Variants in LATS2 observed in about 807,000 individuals in gnomAD.
LATS2 encodes serine/threonine-protein kinase LATS2.
A neutral mutation model predicts 76.0 loss-of-function variants in LATS2; 24 were observed. The ratio of observed to expected loss-of-function variants is 0.32; its 90% CI spans 0.23 to 0.44. LATS2 has a LOEUF of 0.44. LATS2 is among the 20% of genes least tolerant of loss of function. The probability of loss-of-function intolerance (pLI) is 1.00; values close to 1 mark genes in which losing one functional copy is unlikely to be tolerated. For missense variants in LATS2, 1,286 were observed against 1,481.2 expected (o/e 0.87, Z 2.16); for synonymous variants, 692 against 635.4 (o/e 1.09, Z -1.34).
chr13:21,044,689 GGTGTGTGTGTGTGTGT>G lies in LATS2; in HGVS notation c.342+980_342+995del, dbSNP rs71090554. The stretch of plus-strand genomic sequence containing the variant: ...TAAATGTATGGCTATGAGGTGTAGG[GGTGTGTGTGTGTGTGT>G]GTGTGTGTGTGTGTGTGTGTGTGTG... On this transcript the variant is annotated intron_variant, in intron 2 of 7. Transcript: ENST00000382592. Among the ~76,000 whole-genome samples the G allele has an allele frequency of 1.9e-3, 258 of 137,784 alleles. 2 individuals are homozygous for G. The highest frequency in any genetic ancestry group is 5.1e-3 in the South Asian group (21 of 4,114). The allele number at this position is 137,784 out of a possible 152,430, so 90.4% of individuals were successfully genotyped here.
chr13:20,979,196 G>A (rs565013466), intron 7 of LATS2, among the ~76,000 whole-genome samples: 48 of 152,304 alleles, frequency 3.2e-4, no homozygotes, highest in Non-Finnish European at 5.9e-4. Flanking sequence ...GTTCATTGAC[G>A]CTATGTTACT....
chr13:21,012,169 C>T (rs1485538780), intron 2 of LATS2, among the ~76,000 whole-genome samples: 1 of 151,952 alleles, frequency 6.6e-6, no homozygotes, highest in South Asian at 2.1e-4. Flanking sequence ...CATCTCTAAA[C>T]ATAGAAAAGA....
chr13:20,988,747 G>C lies in LATS2; in HGVS notation c.1033C>G (p.Gln345Glu). ...SQVFASDSPP[Q>E]SLLTPSRNSL... ...TTCCGCGAGGGAGTGAGCAGGCTCT[G>C]CGGGGGGCTGTCGCTGGCGAACACC... Residue 345 changes from glutamine to glutamate, a missense_variant, in exon 4 of 8, where the codon CAG becomes GAG. Transcript: ENST00000382592. 3 of 1,577,100 alleles carry C rather than the reference G, an allele frequency of 1.9e-6. No homozygotes were observed. The highest frequency in any genetic ancestry group is 1.7e-5 in the Admixed American group (1 of 57,304).
Position 20,988,360 on chromosome 13 carries a change from C to T in LATS2, c.1420G>A (p.Ala474Thr), listed in dbSNP as rs1870284636. 1 of 1,330,544 alleles carries T rather than the reference C, an allele frequency of 7.5e-7. No individual in the cohort carries two copies. Among genetic ancestry groups the T allele is most frequent in the Non-Finnish European group, 9.6e-7 (1 of 1,038,248 alleles). The allele number at this position is 1,330,544 out of a possible 1,614,324, so 82.4% of individuals were successfully genotyped here. ...AWVPAPAPAPAPAPAPAAEGL... is the reference protein window; with the variant it reads ...AWVPAPAPAPTPAPAPAAEGL... Reference sequence around the variant, plus strand: ...TCCGCAGCCGGGGCGGGGGCGGGGGCGGGGGCCGGGGCAGGCGCGGGCACC... The same window carrying T: ...TCCGCAGCCGGGGCGGGGGCGGGGGTGGGGGCCGGGGCAGGCGCGGGCACC... Residue 474 changes from alanine to threonine, a missense_variant, in exon 4 of 8, where the codon GCC becomes ACC. Around this residue, in one of 5 missense-constraint regions of LATS2, gnomAD observed 710 missense variants for 660.9 expected, o/e 1.07. Coordinates refer to ENST00000382592, the MANE Select transcript of LATS2 (RefSeq NM_014572.3).
chr13:20,984,450 G>A (rs1870051471), intron 4 of LATS2, among the ~76,000 whole-genome samples: 1 of 152,152 alleles, frequency 6.6e-6, no homozygotes, highest in South Asian at 2.1e-4. Flanking sequence ...AGGAAGAAAA[G>A]TCAACAATCA....
intron 7 of LATS2, among the ~76,000 whole-genome samples, chr13:20,979,000 A>C (rs1468882685): frequency 6.6e-6 from 1 of 152,098 alleles, no homozygotes; most frequent in Non-Finnish European, 1.5e-5. Context: ...GACCTCAGGT[A>C]ATCTGCCCAC....
chr13:21,038,075 C>A (rs1349955457), intron 2 of LATS2, among the ~76,000 whole-genome samples: 1 of 152,166 alleles, frequency 6.6e-6, no homozygotes, highest in Non-Finnish European at 1.5e-5. Flanking sequence ...CACCACACTC[C>A]AGTCTGGGTG....
intron 2 of LATS2, among the ~76,000 whole-genome samples, chr13:20,997,919 T>C (rs1310795106): frequency 6.6e-6 from 1 of 152,132 alleles, no homozygotes; most frequent in Non-Finnish European, 1.5e-5. Context: ...CCCTTCCTGG[T>C]AAGGAAGCAT....
intron 3 of LATS2, 67 bp from the exon 4 acceptor site, chr13:20,989,371 G>C: frequency 1.3e-6 from 2 of 1,553,400 alleles, no homozygotes; most frequent in South Asian, 1.1e-5. Flanking sequence ...GCACTTCCAG[G>C]CTGGTCCCCA....
chr13:21,007,545 GTATATATATATATATATATATAT>G (rs1871311953), intron 2 of LATS2, among the ~76,000 whole-genome samples: 86 of 3,612 alleles, frequency 0.024, 26 homozygotes, highest in East Asian at 0.16. Flanking sequence ...TATATATATA[GTATATATATATATATATATATAT>G]ATATATATAT....
Position 20,988,466 on chromosome 13 carries a change from C to T in LATS2, c.1314G>A (p.Ala438=). 2.0e-6 allele frequency: 3 copies of T among 1,533,508 alleles called. No individual in the cohort carries two copies. The highest frequency in any genetic ancestry group is 2.6e-6 in the Non-Finnish European group (3 of 1,146,796). 95.0% of individuals were successfully genotyped at this position (1,533,508 alleles called of 1,614,324 possible). ...CGCTCTTCACCGGGTGCAAGATGTG[C>T]GCGGCCGTGACAGCCGTCACGGTGT... is the stretch of plus-strand genomic sequence containing the variant. ...APNTVTAVTA[A]HILHPVKSVR... Residue 438 remains alanine, a synonymous_variant, in exon 4 of 8, where the codon GCG becomes GCA. Coordinates refer to ENST00000382592, the MANE Select transcript of LATS2 (RefSeq NM_014572.3).
chr13:21,033,695 T>C (rs1872605199), intron 2 of LATS2, among the ~76,000 whole-genome samples: 1 of 148,148 alleles, frequency 6.8e-6, no homozygotes, highest in Non-Finnish European at 1.5e-5. Context: ...GCCTACTAGA[T>C]GCCAAATGCC....
intron 5 of LATS2, among the ~76,000 whole-genome samples, chr13:20,982,263 T>C (rs1286081069): frequency 1.3e-5 from 2 of 152,184 alleles, no homozygotes; most frequent in African/African-American, 2.4e-5. Flanking sequence ...ACTACATAGA[T>C]GCAGGTTGGC....
chr13:20,998,338 G>T (rs1479297351), intron 2 of LATS2, among the ~76,000 whole-genome samples: 1 of 151,900 alleles, frequency 6.6e-6, no homozygotes, highest in Non-Finnish European at 1.5e-5. Context: ...GGGAGACAGA[G>T]CAAGAGACCC....
intron 2 of LATS2, among the ~76,000 whole-genome samples, chr13:21,003,604 G>A (rs1451981605): frequency 6.6e-6 from 1 of 151,802 alleles, no homozygotes; most frequent in Non-Finnish European, 1.5e-5. Context: ...ACCACACCCG[G>A]CTAATTTTTG....
intron 2 of LATS2, among the ~76,000 whole-genome samples, chr13:21,039,740 A>T (rs1339345069): frequency 6.6e-6 from 1 of 152,224 alleles, no homozygotes; most frequent in African/African-American, 2.4e-5. Flanking sequence ...CAATCTGCCA[A>T]CACAATGCCC....
rs879166284 is a variant in LATS2 at position 20,974,786 on chromosome 13, C to T, written c.*84G>A. The T allele has an allele frequency of 1.0e-4, 142 of 1,426,548 alleles. No individual in the cohort carries two copies. In the Middle Eastern group the frequency reaches 1.8e-3, roughly 18 times the overall value. 88.4% of individuals were successfully genotyped at this position (1,426,548 alleles called of 1,614,324 possible). On this transcript the variant is annotated 3_prime_UTR_variant, in exon 8 of 8. Transcript: ENST00000382592. ...GACTAATTTAAAACAAAACAGCCCT[C>T]GGCTTCCCTATTGGCCTGTGAGGGC...
At chr13:20,996,534 C>T (rs1870761417) in intron 2 of LATS2, among the ~76,000 whole-genome samples, 1 of 152,202 alleles carries the variant, frequency 6.6e-6, no homozygotes, top group East Asian at 1.9e-4. Flanking sequence ...TGAACCACCA[C>T]CATACCTGGC....
chr13:21,012,498 C>T (rs749172685), intron 2 of LATS2, among the ~76,000 whole-genome samples: 4 of 152,192 alleles, frequency 2.6e-5, no homozygotes, highest in Non-Finnish European at 5.9e-5. Context: ...ACATGTGGCC[C>T]GTGGTTGCCC....
Sources: gnomAD v4.1 joint callset for allele counts (sites outside exome capture counted in the v4.1 genomes callset) on GRCh38, gnomAD v4.1.1 for gene constraint, gnomAD v4.1.1 regional missense constraint, MANE v1.5 for transcripts, NCBI Gene and HGNC (gene_info 2026-07-23, HGNC 2026-07-21) for gene names.